CNTLN: variants seen among roughly 807,000 people sequenced by gnomAD.
CNTLN encodes centlein.
In CNTLN, 212 loss-of-function variants were observed where a neutral mutation model predicts 180.0. The ratio of observed to expected loss-of-function variants is 1.18; its 90% CI spans 1.05 to 1.32. CNTLN has a LOEUF of 1.32. CNTLN is among the 40% of genes most tolerant of loss of function. The pLI is 0.00. For synonymous variants in CNTLN, 722 were observed against 563.1 expected (o/e 1.28, Z -3.99); for missense variants, 2,095 against 1,610.9 (o/e 1.30, Z -5.14).
chr9:17,510,580 C>T, the CNTLN span, among the ~76,000 whole-genome samples: 1 of 152,144 alleles, frequency 6.6e-6, no homozygotes, highest in Admixed American at 6.5e-5. Flanking sequence ...TAGTTGAGTA[C>T]AAGAAAAAGA....
intron 2 of CNTLN, among the ~76,000 whole-genome samples, chr9:17,147,235 A>T (rs1456708779): frequency 2.6e-5 from 4 of 152,176 alleles, no homozygotes; most frequent in African/African-American, 9.7e-5. Context: ...CCTTTAAGTC[A>T]GGCCCTTTTC....
chr9:17,385,354 G>A (rs1270732068), intron 13 of CNTLN, among the ~76,000 whole-genome samples: 1 of 152,112 alleles, frequency 6.6e-6, no homozygotes, highest in African/African-American at 2.4e-5. Context: ...CCTCTGCAGA[G>A]GCCTGGTGGT....
At chr9:17,262,492 C>T (rs745498222) in intron 5 of CNTLN, among the ~76,000 whole-genome samples, 2 of 151,404 alleles carry the variant, frequency 1.3e-5, no homozygotes, top group African/African-American at 4.9e-5. Flanking sequence ...ACCAGCACTG[C>T]ATGTTCTCAC....
intron 6 of CNTLN, among the ~76,000 whole-genome samples, chr9:17,284,785 T>A (rs1444986970): frequency 6.6e-6 from 1 of 152,146 alleles, no homozygotes; most frequent in Admixed American, 6.5e-5. Flanking sequence ...TGGTTATTTC[T>A]TTTCTTCTGC....
chr9:17,238,591 T>A (rs1337208864), intron 5 of CNTLN, among the ~76,000 whole-genome samples: 3 of 152,186 alleles, frequency 2.0e-5, no homozygotes, highest in African/African-American at 7.2e-5. Context: ...GCCTTTGTCC[T>A]CCAGTCACAG....
At chr9:17,527,309 C>G in the CNTLN span, among the ~76,000 whole-genome samples, 1 of 152,186 alleles carries the variant, frequency 6.6e-6, no homozygotes, top group African/African-American at 2.4e-5. Flanking sequence ...CCCTGCACAG[C>G]CTTTCTACTG....
chr9:17,239,250 C>T (rs1056973280), intron 5 of CNTLN, among the ~76,000 whole-genome samples: 1 of 152,084 alleles, frequency 6.6e-6, no homozygotes, highest in Non-Finnish European at 1.5e-5. Context: ...CCAGGCTGGT[C>T]TGGAATCATT....
intron 13 of CNTLN, among the ~76,000 whole-genome samples, chr9:17,369,912 G>A (rs1394694715): frequency 6.6e-6 from 1 of 151,704 alleles, no homozygotes; most frequent in Non-Finnish European, 1.5e-5. Context: ...GCTTGACCCC[G>A]GGAGGCGGAG....
At chr9:17,494,687 C>G (rs1833351831) in intron 25 of CNTLN, among the ~76,000 whole-genome samples, 1 of 152,088 alleles carries the variant, frequency 6.6e-6, no homozygotes, top group African/African-American at 2.4e-5. Context: ...TTCTTATCCA[C>G]AAGTGACACT....
chr9:17,165,198 T>G (rs1819984762), intron 2 of CNTLN, among the ~76,000 whole-genome samples: 1 of 152,194 alleles, frequency 6.6e-6, no homozygotes, highest in Non-Finnish European at 1.5e-5. Flanking sequence ...TTTGATCCCA[T>G]GTATTGAGAG....
Position 17,254,457 on chromosome 9 carries a change from GA to G in CNTLN, c.849+17870del, listed in dbSNP as rs1320182490. 2.3e-3 allele frequency among the ~76,000 whole-genome samples: 353 copies of G among 150,464 alleles called. 2 individuals carry two copies. The highest frequency in any genetic ancestry group is 8.3e-3 in the African/African-American group (339 of 41,088). ...TATATTTTGGTCTTTAATCCATTTGGAGGTTTTTTTTTTTTCTTTTGTGTGT... is the reference window on the plus strand; with the variant it reads ...TATATTTTGGTCTTTAATCCATTTGGGGTTTTTTTTTTTTCTTTTGTGTGT... On this transcript the variant is annotated intron_variant, in intron 5 of 25. Transcript: ENST00000380647.
chr9:17,397,842 A>G (rs1826656999), intron 15 of CNTLN, among the ~76,000 whole-genome samples: 2 of 152,192 alleles, frequency 1.3e-5, no homozygotes, highest in African/African-American at 2.4e-5. Flanking sequence ...ACTCAATTTT[A>G]CACCATGATT....
intron 12 of CNTLN, among the ~76,000 whole-genome samples, chr9:17,360,613 A>G (rs1032208729): frequency 5.9e-5 from 9 of 152,130 alleles, no homozygotes; most frequent in Non-Finnish European, 1.0e-4. Flanking sequence ...TTTACAAGGA[A>G]GTGCACAGAT....
intron 2 of CNTLN, among the ~76,000 whole-genome samples, chr9:17,215,340 G>T (rs529654845): frequency 1.3e-5 from 2 of 152,334 alleles, no homozygotes; most frequent in East Asian, 3.9e-4. Context: ...TTGCCTGGGT[G>T]TCAGCAGCGG....
At chr9:17,481,170 C>T (rs1038243487) in intron 23 of CNTLN, among the ~76,000 whole-genome samples, 1 of 152,218 alleles carries the variant, frequency 6.6e-6, no homozygotes, top group African/African-American at 2.4e-5. Flanking sequence ...GCAACCCCAC[C>T]TGGCTATAGA....
rs572846082 is a variant in CNTLN at position 17,148,359 on chromosome 9, G to T, written c.449+4983G>T. ...TACTCCTAGAGGAAGTAAGGGGTTA[G>T]GTTCCTGTAAGCCTCTGGTCACAAC... On this transcript the variant is annotated intron_variant, in intron 2 of 25. Transcript: ENST00000380647. Among the ~76,000 whole-genome samples the T allele has an allele frequency of 3.3e-5, 5 of 152,328 alleles. No individual in the cohort carries two copies. The East Asian group carries it at 9.6e-4, about 29-fold the overall frequency.
At chr9:17,397,157 T>C (rs1008184016) in intron 15 of CNTLN, among the ~76,000 whole-genome samples, 4 of 152,110 alleles carry the variant, frequency 2.6e-5, no homozygotes, top group Non-Finnish European at 4.4e-5. Context: ...TTCACTAATA[T>C]ACTTTTTAAA....
chr9:17,523,274 T>G, the CNTLN span, among the ~76,000 whole-genome samples: 1 of 152,200 alleles, frequency 6.6e-6, no homozygotes, highest in Non-Finnish European at 1.5e-5. Context: ...CCTCACTCTG[T>G]GGCCCAGGCT....
intron 3 of CNTLN, among the ~76,000 whole-genome samples, chr9:17,235,132 A>G (rs75372920): frequency 0.018 from 2,797 of 152,292 alleles, 83 homozygotes; most frequent in African/African-American, 0.064. Flanking sequence ...CTCACAGGTG[A>G]GAAGAATGTT....
Sources: gnomAD v4.1 joint callset for allele counts (sites outside exome capture counted in the v4.1 genomes callset) on GRCh38, gnomAD v4.1.1 for gene constraint, MANE v1.5 for transcripts, NCBI Gene and HGNC (gene_info 2026-07-23, HGNC 2026-07-21) for gene names.